The following UBE3B variants were observed in gnomAD, a reference collection of about 807,000 sequenced individuals.
UBE3B encodes ubiquitin protein ligase E3B, also known as ubiquitin-protein ligase E3B.
Under a neutral mutation model 132.3 loss-of-function variants are expected in UBE3B, and 80 were observed. That is an observed-to-expected ratio of 0.60 (90% confidence interval 0.50 to 0.73). UBE3B has a LOEUF of 0.73. Ranked by LOEUF, UBE3B falls within the 30% of genes least tolerant of loss-of-function variation. The pLI, the probability that UBE3B is intolerant of heterozygous loss-of-function variation, is 0.00. For synonymous variants in UBE3B, 487 were observed against 520.4 expected (o/e 0.94, Z 0.87); for missense variants, 1,196 against 1,362.5 (o/e 0.88, Z 1.92).
intron 24 of UBE3B, chr12:109,528,259 TTC>T (rs1288958168): frequency 1.5e-5 from 13 of 857,236 alleles, no homozygotes; most frequent in Non-Finnish European, 4.2e-6. Flanking sequence ...CCATACTCTC[TTC>T]TCTCGTATCT....
intron 24 of UBE3B, among the ~76,000 whole-genome samples, 195 bp from the exon 25 acceptor site, chr12:109,529,695 A>C (rs1882747737): frequency 6.6e-6 from 1 of 152,202 alleles, no homozygotes; most frequent in East Asian, 1.9e-4. Flanking sequence ...TGATGTGCAC[A>C]CAGTGGCGTA....
intron 21 of UBE3B, among the ~76,000 whole-genome samples, chr12:109,523,747 C>G (rs1328928082): frequency 1.3e-5 from 2 of 152,252 alleles, no homozygotes; most frequent in Non-Finnish European, 1.5e-5. Context: ...GATTTAATCC[C>G]TGAGCACTGT....
intron 13 of UBE3B, among the ~76,000 whole-genome samples, chr12:109,502,211 G>A (rs552633407): frequency 1.3e-5 from 2 of 152,316 alleles, no homozygotes; most frequent in South Asian, 4.1e-4. Flanking sequence ...AAAGGGGTCT[G>A]TGGATGCTTT....
At position 109,516,832 on chromosome 12, in the gene UBE3B, C is replaced by T. The variant is rs754416261; in HGVS notation, c.2024C>T (p.Ser675Phe). 1.2e-6 allele frequency: 2 copies of T among 1,614,044 alleles called. No homozygotes were observed. The highest frequency in any genetic ancestry group is 2.2e-5 in the East Asian group (1 of 44,856). Residue 675 changes from serine to phenylalanine, a missense_variant, in exon 19 of 28, where the codon TCT (serine) becomes TTT (phenylalanine). Coordinates refer to ENST00000342494, the MANE Select transcript of UBE3B (RefSeq NM_130466.4). ...AAACTGGGGCTGGTGGAAACCAGCT[C>T]TGCCTCCCCGCATGTCACTCACATC... is the stretch of plus-strand genomic sequence containing the variant. ...KEKLGLVETS[S>F]ASPHVTHITI...
chr12:109,536,001 T>A lies in UBE3B; in HGVS notation c.*1219T>A, dbSNP rs887904410. 6.6e-6 allele frequency: 1 copy of A among 152,210 alleles called. No individual in the cohort carries two copies. Among genetic ancestry groups the A allele is most frequent in the Non-Finnish European group, 1.5e-5 (1 of 68,050 alleles). 9.4% of individuals were successfully genotyped at this position (152,210 alleles called of 1,614,324 possible). A position where few individuals can be genotyped will look rare whatever the true frequency, so the allele number is the denominator to read the frequency against. Reference sequence around the variant, plus strand: ...TGCACCACCAAGGTTGATGCCGGATTCGAAGCCAGGAAGGCCCAGTCCCTC... The same window carrying A: ...TGCACCACCAAGGTTGATGCCGGATACGAAGCCAGGAAGGCCCAGTCCCTC... On this transcript the variant is annotated 3_prime_UTR_variant, in exon 28 of 28. Coordinates refer to ENST00000342494, the MANE Select transcript of UBE3B (RefSeq NM_130466.4).
chr12:109,527,919 AC>A (rs1230163673), intron 24 of UBE3B, among the ~76,000 whole-genome samples: 1 of 152,070 alleles, frequency 6.6e-6, no homozygotes, highest in Non-Finnish European at 1.5e-5. Context: ...GGATCCTGCC[AC>A]CCCCTGAGAG....
chr12:109,510,313 C>G (rs886194805), intron 16 of UBE3B, 31 bp from the exon 17 acceptor site: 1 of 1,556,174 alleles, frequency 6.4e-7, no homozygotes, highest in Admixed American at 1.9e-5. Context: ...TCTGACTCCT[C>G]CTCTGACTTT....
At position 109,528,018 on chromosome 12, in the gene UBE3B, G is replaced by A. The variant is rs182974823; in HGVS notation, c.2627+1602G>A. Among the ~76,000 whole-genome samples the A allele has an allele frequency of 2.1e-3, 316 of 152,252 alleles. 3 individuals carry two copies. Among genetic ancestry groups the A allele is most frequent in the East Asian group, 7.7e-4 (4 of 5,180 alleles). ...ATAGGCACTGGCTGCTAAGTAGAGC[G>A]CCCAGAGGAGGTAGGTGGGAGCAGG... On this transcript the variant is annotated intron_variant, in intron 24 of 27. Coordinates refer to ENST00000342494, the MANE Select transcript of UBE3B (RefSeq NM_130466.4).
intron 14 of UBE3B, among the ~76,000 whole-genome samples, chr12:109,506,141 T>C (rs950156272): frequency 2.0e-5 from 3 of 152,328 alleles, no homozygotes; most frequent in African/African-American, 7.2e-5. Context: ...GTTCAGAGCA[T>C]CCTACCACAG....
chr12:109,480,468 T>A (rs1875179339), intron 1 of UBE3B, among the ~76,000 whole-genome samples: 1 of 152,144 alleles, frequency 6.6e-6, no homozygotes, highest in Admixed American at 6.5e-5. Flanking sequence ...CTGGGCAATA[T>A]AGCGAGACCC....
At position 109,506,931 on chromosome 12, in the gene UBE3B, C is replaced by G. The variant is rs187321189; in HGVS notation, c.1451-633C>G. 2.7e-3 allele frequency among the ~76,000 whole-genome samples: 415 copies of G among 152,326 alleles called. 3 individuals are homozygous for G. The highest frequency in any genetic ancestry group is 6.8e-3 in the Middle Eastern group (2 of 294). Reference sequence around the variant, plus strand: ...AGACCACATTCAAATAAGGCAAAGCCGAGGTGTAACCAGTCAAGCTGTCTC... The same window carrying G: ...AGACCACATTCAAATAAGGCAAAGCGGAGGTGTAACCAGTCAAGCTGTCTC... On this transcript the variant is annotated intron_variant, in intron 14 of 27. Transcript: ENST00000342494.
intron 12 of UBE3B, among the ~76,000 whole-genome samples, chr12:109,500,654 G>A (rs754368148): frequency 6.6e-6 from 1 of 152,204 alleles, no homozygotes; most frequent in African/African-American, 2.4e-5. Context: ...CAGCACCTCC[G>A]CAGACAGCCT....
At chr12:109,517,563 T>C (rs756006509) in intron 19 of UBE3B, among the ~76,000 whole-genome samples, 2 of 152,226 alleles carry the variant, frequency 1.3e-5, no homozygotes, top group Non-Finnish European at 2.9e-5. Context: ...CTACCTACGA[T>C]GTCTGTGTTA....
chr12:109,539,428 G>A (rs1421694334), downstream of UBE3B, among the ~76,000 whole-genome samples: 3 of 152,202 alleles, frequency 2.0e-5, no homozygotes, highest in Non-Finnish European at 4.4e-5. Flanking sequence ...GCATTAGAGA[G>A]AGCAAGAGCC....
intron 13 of UBE3B, 106 bp from the exon 14 acceptor site, chr12:109,502,917 G>A: frequency 4.3e-6 from 6 of 1,399,144 alleles, no homozygotes; most frequent in Non-Finnish European, 6.0e-6. Context: ...CCACTGTCTG[G>A]CCTGGCTGTG....
intron 4 of UBE3B, among the ~76,000 whole-genome samples, chr12:109,485,793 C>T (rs1422441738): frequency 6.6e-6 from 1 of 152,168 alleles, no homozygotes; most frequent in Admixed American, 6.5e-5. Flanking sequence ...TAAAACATTT[C>T]TATAGGGTTC....
In UBE3B at chr12:109,521,532, TG is replaced by T; in HGVS notation, c.2349del (p.Lys784ArgfsTer18). The T allele has an allele frequency of 1.3e-6, 2 of 1,595,768 alleles. No homozygotes were observed. Among genetic ancestry groups the T allele is most frequent in the East Asian group, 2.2e-5 (1 of 44,546 alleles). Reference sequence around the variant, plus strand: ...CTCTTCGAGTTTGTGGGGAAGATGCTGGGGAAGGCTGTGTATGAGGTAGGAA... The same window carrying T: ...CTCTTCGAGTTTGTGGGGAAGATGCTGGGAAGGCTGTGTATGAGGTAGGAA... ...LQLFEFVGKM[L>X]GKAVYEGIVV... On this transcript the variant is annotated frameshift_variant, in exon 21 of 28. Coordinates refer to ENST00000342494, the MANE Select transcript of UBE3B (RefSeq NM_130466.4). LOFTEE classifies it high-confidence loss of function. This position sits in a 1 kb window ranked among gnomAD's most constrained non-coding sequence, Gnocchi z 4.2.
At chr12:109,506,684 C>T (rs1165792029) in intron 14 of UBE3B, among the ~76,000 whole-genome samples, 2 of 152,168 alleles carry the variant, frequency 1.3e-5, no homozygotes, top group African/African-American at 4.8e-5. Context: ...TGTCTGTGGC[C>T]GCTTTTGTGC....
intron 26 of UBE3B, among the ~76,000 whole-genome samples, chr12:109,533,123 C>G (rs896464040): frequency 6.6e-6 from 1 of 152,176 alleles, no homozygotes; most frequent in Non-Finnish European, 1.5e-5. Context: ...TTCCTCTTAA[C>G]AATCCCACAG....
Sources: allele counts gnomAD v4.1 joint callset (sites outside exome capture counted in the v4.1 genomes callset), GRCh38; gene constraint gnomAD v4.1.1; non-coding constraint Gnocchi (gnomAD v3.1); transcripts MANE v1.5; gene names NCBI Gene and HGNC (gene_info 2026-07-23, HGNC 2026-07-21).